Variants in DDX60 observed in about 807,000 individuals in gnomAD.
DDX60 encodes DExD/H-box helicase 60, also known as probable ATP-dependent RNA helicase DDX60.
Under a neutral mutation model 212.8 loss-of-function variants are expected in DDX60, and 165 were observed. The ratio of observed to expected loss-of-function variants is 0.78; its 90% CI spans 0.68 to 0.88. DDX60 has a LOEUF of 0.88. Among genes scored for constraint, DDX60 ranks in the 40% least tolerant of loss-of-function variants. DDX60 has a pLI of 0.00. For synonymous variants in DDX60, 703 were observed against 685.3 expected (o/e 1.03, Z -0.40); for missense variants, 1,905 against 2,003.9 (o/e 0.95, Z 0.94).
intron 20 of DDX60, among the ~76,000 whole-genome samples, 187 bp from the exon 21 acceptor site, chr4:168,268,170 A>G (rs927512836): frequency 2.0e-5 from 3 of 152,168 alleles, no homozygotes; most frequent in Admixed American, 6.5e-5. Context: ...TGGTTGAATA[A>G]CTTCATCTTT....
intron 23 of DDX60, 46 bp downstream of exon 23, chr4:168,262,637 T>A: frequency 7.7e-7 from 1 of 1,293,602 alleles, no homozygotes; most frequent in Non-Finnish European, 1.1e-6. Context: ...AGTTTGTCAA[T>A]ATTATCATCC....
intron 34 of DDX60, 89 bp from the exon 35 acceptor site, chr4:168,224,474 G>A (rs1733179389): frequency 7.7e-7 from 1 of 1,306,496 alleles, no homozygotes; most frequent in Non-Finnish European, 1.1e-6. Context: ...TGTTACAAGG[G>A]GAGCCATTCA....
rs760067111 is a variant in DDX60, at chr4:168,306,436, A to G, written c.549T>C (p.Leu183=). ...VLSSGQESDV[L]CLYAYLLPSM... ...TTGGAAGAAGGTATGCATAAAGGCA[A>G]AGAACATCAGATTCTTGCCCTGAGG... The change falls in exon 5 of 38, where the codon CTT becomes CTC. Residue 183 remains leucine (L), a synonymous_variant. Transcript: ENST00000393743. The G allele has an allele frequency of 5.6e-6, 9 of 1,614,056 alleles. No homozygotes were observed. In the African/African-American group the frequency reaches 1.2e-4, roughly 22 times the overall value.
intron 12 of DDX60, among the ~76,000 whole-genome samples, chr4:168,284,109 T>A (rs539317805): frequency 2.2e-4 from 34 of 152,276 alleles, no homozygotes; most frequent in Non-Finnish European, 4.1e-4. Context: ...ACTGTAATAC[T>A]CACAGTAATG....
chr4:168,324,812 G>T, the DDX60 span, among the ~76,000 whole-genome samples: 1 of 152,318 alleles, frequency 6.6e-6, no homozygotes, highest in Non-Finnish European at 1.5e-5. Flanking sequence ...AATCTCTGCA[G>T]AGGAGGATAT....
At chr4:168,308,280 A>G in intron 3 of DDX60, 85 bp from the exon 4 acceptor site, 2 of 759,830 alleles carry the variant, frequency 2.6e-6, no homozygotes, top group Middle Eastern at 4.0e-4. Context: ...GCTCATTATC[A>G]TTATCATCAA....
intron 8 of DDX60, among the ~76,000 whole-genome samples, chr4:168,290,697 T>G (rs1010440598): frequency 2.0e-5 from 3 of 152,156 alleles, no homozygotes; most frequent in Non-Finnish European, 4.4e-5. Flanking sequence ...TCAGACTACG[T>G]TGGATCTTTT....
chr4:168,225,443 T>C, intron 34 of DDX60, 86 bp downstream of exon 34: 4 of 1,346,016 alleles, frequency 3.0e-6, no homozygotes, highest in Non-Finnish European at 4.0e-6. Flanking sequence ...CTTTCTGGGG[T>C]TCCACTCTTC....
chr4:168,249,911 T>A (rs62336247), intron 28 of DDX60, among the ~76,000 whole-genome samples: 12,350 of 152,284 alleles, frequency 0.081, 610 homozygotes, highest in Non-Finnish European at 0.11. Context: ...ACAATCTCAA[T>A]CTCTTTGTCT....
At chr4:168,278,207 T>G (rs996648767) in intron 14 of DDX60, among the ~76,000 whole-genome samples, 4 of 152,168 alleles carry the variant, frequency 2.6e-5, no homozygotes, top group African/African-American at 9.7e-5. Context: ...TATGCTGAGG[T>G]TGCTAAGATC....
At chr4:168,317,840 A>G (rs1047110826) in intron 1 of DDX60, among the ~76,000 whole-genome samples, 1 of 152,186 alleles carries the variant, frequency 6.6e-6, no homozygotes, top group East Asian at 1.9e-4. Context: ...ATCTAAAGAC[A>G]TGGGAACCCC....
Position 168,275,442 on chromosome 4 carries a change from G to A in DDX60, c.2207C>T (p.Ala736Val). Reference sequence around the variant, plus strand: ...GCCCATGTATTGCAGTTGGAACCGAGCTGGCCCAATGCCAACTGAATATTT... The same window carrying A: ...GCCCATGTATTGCAGTTGGAACCGAACTGGCCCAATGCCAACTGAATATTT... ...RNKYSVGIGPARFQLQYMGHY... is the reference protein window; with the variant it reads ...RNKYSVGIGPVRFQLQYMGHY... Residue 736 changes from alanine to valine, a missense_variant, in exon 16 of 38, where the codon GCT becomes GTT. By Grantham distance (64) the Ala-to-Val change is moderately conservative. Transcript: ENST00000393743. 1 of 1,612,510 alleles carries A rather than the reference G, an allele frequency of 6.2e-7. No homozygotes were observed. The highest frequency in any genetic ancestry group is 8.5e-7 in the Non-Finnish European group (1 of 1,179,288).
chr4:168,240,871 T>C (rs936184072), intron 30 of DDX60, among the ~76,000 whole-genome samples: 1 of 152,136 alleles, frequency 6.6e-6, no homozygotes, highest in African/African-American at 2.4e-5. Context: ...ATTCAGGACA[T>C]CGGCATGGGC....
At chr4:168,294,318 CAT>C (rs1736247285) in intron 6 of DDX60, among the ~76,000 whole-genome samples, 1 of 152,094 alleles carries the variant, frequency 6.6e-6, no homozygotes, top group East Asian at 1.9e-4. Flanking sequence ...TAGAAGAAAA[CAT>C]AGGAGGAAAG....
intron 37 of DDX60, among the ~76,000 whole-genome samples, chr4:168,218,142 G>T (rs972731044): frequency 6.6e-6 from 1 of 151,996 alleles, no homozygotes; most frequent in African/African-American, 2.4e-5. Context: ...AGTTATTTTC[G>T]AGTGTCATCA....
intron 37 of DDX60, among the ~76,000 whole-genome samples, chr4:168,218,278 G>A (rs559502806): frequency 9.9e-5 from 15 of 152,252 alleles, no homozygotes; most frequent in Non-Finnish European, 1.9e-4. Context: ...ATAATGTGAT[G>A]TGTATAAATT....
rs749859789 is a variant in DDX60, at chr4:168,291,818, A to G, written c.971T>C (p.Leu324Pro). Residue 324 changes from leucine (L) to proline (P), a missense_variant, in exon 8 of 38, where the codon CTT becomes CCT. Physicochemically the swap from Leu to Pro is moderately conservative, Grantham distance 98. Transcript: ENST00000393743. Reference sequence around the variant, plus strand: ...GACTCTAGCACAAGCTCTTTGAGAAAGAGGCAGATGGAGTAGAAAAACCAC... The same window carrying G: ...GACTCTAGCACAAGCTCTTTGAGAAGGAGGCAGATGGAGTAGAAAAACCAC... ...LTVVFLLHLP[L>P]SQRACARVIT... The G allele has an allele frequency of 6.2e-7, 1 of 1,613,950 alleles. No individual in the cohort carries two copies. The highest frequency in any genetic ancestry group is 8.5e-7 in the Non-Finnish European group (1 of 1,179,886).
intron 16 of DDX60, among the ~76,000 whole-genome samples, chr4:168,275,112 GC>G (rs1735275880): frequency 6.6e-6 from 1 of 152,134 alleles, no homozygotes; most frequent in Non-Finnish European, 1.5e-5. Context: ...TAACATCAGA[GC>G]TAAACATATG....
At chr4:168,315,362 A>T (rs192727529) in intron 1 of DDX60, among the ~76,000 whole-genome samples, 11 of 152,342 alleles carry the variant, frequency 7.2e-5, no homozygotes, top group African/African-American at 2.6e-4. Context: ...TTCATGGAGG[A>T]GGCAAAAAGA....
Sources: gnomAD v4.1 joint callset for allele counts (sites outside exome capture counted in the v4.1 genomes callset) on GRCh38, gnomAD v4.1.1 for gene constraint, MANE v1.5 for transcripts, NCBI Gene and HGNC (gene_info 2026-07-23, HGNC 2026-07-21) for gene names.